KIF6: variants seen among roughly 807,000 people sequenced by gnomAD.
KIF6 encodes the protein kinesin-like protein KIF6.
Under a neutral mutation model 112.7 loss-of-function variants are expected in KIF6, and 106 were observed. The observed-to-expected ratio is 0.94, with a 90% CI of 0.80 to 1.11. The LOEUF is 1.11. Ranked by LOEUF, KIF6 falls within the 50% of genes least tolerant of loss-of-function variation. KIF6 has a pLI of 0.00. For missense variants in KIF6, 929 were observed against 964.0 expected, an observed-to-expected ratio of 0.96 and a Z score of 0.48; for synonymous variants, 339 against 339.9, an observed-to-expected ratio of 1.00 and a Z score of 0.03.
At chr6:39,714,847 C>T (rs1378043102) in intron 2 of KIF6, 81 bp from the exon 3 acceptor site, 20 of 943,530 alleles carry the variant, frequency 2.1e-5, no homozygotes. Flanking sequence ...TTTCTGAAAG[C>T]TCTATTAATT....
At chr6:39,511,226 A>G (rs896429310) in intron 13 of KIF6, among the ~76,000 whole-genome samples, 7 of 152,192 alleles carry the variant, frequency 4.6e-5, no homozygotes, top group African/African-American at 1.7e-4. Context: ...CAGAATCTAC[A>G]AAGATCTTAA....
At chr6:39,380,930 T>C (rs1447570980) in intron 16 of KIF6, among the ~76,000 whole-genome samples, 1 of 152,256 alleles carries the variant, frequency 6.6e-6, no homozygotes, top group East Asian at 1.9e-4. Context: ...ACTTATCTAA[T>C]TTAATTTTAA....
At chr6:39,406,112 T>C (rs565765836) in intron 15 of KIF6, among the ~76,000 whole-genome samples, 2 of 152,302 alleles carry the variant, frequency 1.3e-5, no homozygotes, top group East Asian at 3.9e-4. Flanking sequence ...AACCTCCGCC[T>C]GGGTTCAAGT....
intron 13 of KIF6, among the ~76,000 whole-genome samples, chr6:39,500,981 C>A (rs1276655712): frequency 6.6e-6 from 1 of 152,074 alleles, no homozygotes; most frequent in African/African-American, 2.4e-5. Flanking sequence ...GTTTGCGGAA[C>A]TCATGGAGAG....
intron 2 of KIF6, 109 bp from the exon 3 acceptor site, chr6:39,714,875 C>T (rs1789742567): frequency 1.4e-6 from 1 of 715,488 alleles, no homozygotes; most frequent in Admixed American, 2.4e-5. Flanking sequence ...ATTTACATCA[C>T]TGGGCTTACC....
Position 39,639,851 on chromosome 6 carries a change from T to A in KIF6, c.252-94A>T, listed in dbSNP as rs377046069. On this transcript the variant is annotated intron_variant, in intron 3 of 22. Coordinates refer to ENST00000287152, the MANE Select transcript of KIF6 (RefSeq NM_145027.6). Reference sequence around the variant, plus strand: ...TTCTAATAACAATCTTATTAAACACTATTAAAAAAACTTTATAGAAATATC... The same window carrying A: ...TTCTAATAACAATCTTATTAAACACAATTAAAAAAACTTTATAGAAATATC... 1,050 of 1,093,680 alleles carry A rather than the reference T, an allele frequency of 9.6e-4. 19 individuals are homozygous for A. In the South Asian group the frequency reaches 0.016, roughly 16 times the overall value. The allele number at this position is 1,093,680 out of a possible 1,614,324, so 67.7% of individuals were successfully genotyped here. A position where few individuals can be genotyped will look rare whatever the true frequency, so the allele number is the denominator to read the frequency against.
At chr6:39,520,137 T>C (rs1214824553) in intron 13 of KIF6, among the ~76,000 whole-genome samples, 1 of 152,170 alleles carries the variant, frequency 6.6e-6, no homozygotes. Context: ...GTTTCTTATA[T>C]ACTAGCTATG....
chr6:39,515,322 G>A (rs754865844), intron 13 of KIF6, among the ~76,000 whole-genome samples: 5 of 152,146 alleles, frequency 3.3e-5, no homozygotes, highest in Non-Finnish European at 7.3e-5. Context: ...GAACCATATC[G>A]GAAAGCGAGA....
At chr6:39,433,694 G>T (rs1332776738) in intron 13 of KIF6, among the ~76,000 whole-genome samples, 1 of 152,234 alleles carries the variant, frequency 6.6e-6, no homozygotes, top group African/African-American at 2.4e-5. Context: ...CCAAGGTGAG[G>T]TGGCTGAAGC....
intron 22 of KIF6, among the ~76,000 whole-genome samples, chr6:39,341,549 AT>A (rs1763326681): frequency 6.6e-6 from 1 of 152,166 alleles, no homozygotes; most frequent in Non-Finnish European, 1.5e-5. Context: ...CCAACCAGAC[AT>A]GATGACTTGC....
At chr6:39,586,709 G>A (rs989758435) in intron 7 of KIF6, among the ~76,000 whole-genome samples, 1 of 152,160 alleles carries the variant, frequency 6.6e-6, no homozygotes, top group African/African-American at 2.4e-5. Context: ...AAATTTGTAT[G>A]AAAACACAAG....
intron 7 of KIF6, among the ~76,000 whole-genome samples, chr6:39,595,471 A>C (rs1363041280): frequency 6.6e-6 from 1 of 152,208 alleles, no homozygotes; most frequent in African/African-American, 2.4e-5. Flanking sequence ...ACGTTTCAAT[A>C]AAATGGTATA....
At chr6:39,451,950 G>A (rs1581887113) in intron 13 of KIF6, among the ~76,000 whole-genome samples, 1 of 152,210 alleles carries the variant, frequency 6.6e-6, no homozygotes, top group Non-Finnish European at 1.5e-5. Flanking sequence ...CAGAGGCTCA[G>A]TGTGGCTTGT....
At chr6:39,352,715 T>A (rs1764353539) in intron 19 of KIF6, among the ~76,000 whole-genome samples, 1 of 152,000 alleles carries the variant, frequency 6.6e-6, no homozygotes, top group South Asian at 2.1e-4. Context: ...GCGATTCTCC[T>A]GCCTCAGCCT....
At chr6:39,350,715 C>A (rs1764176399) in intron 19 of KIF6, among the ~76,000 whole-genome samples, 1 of 152,162 alleles carries the variant, frequency 6.6e-6, no homozygotes, top group South Asian at 2.1e-4. Flanking sequence ...TTCTGTAGGC[C>A]CGTTACTACC....
At chr6:39,528,173 C>T (rs1167825028) in intron 13 of KIF6, among the ~76,000 whole-genome samples, 1 of 152,154 alleles carries the variant, frequency 6.6e-6, no homozygotes, top group East Asian at 1.9e-4. Flanking sequence ...TCTTTGAGTT[C>T]GATTGTTTTA....
At chr6:39,366,204 G>A (rs79797960) in intron 16 of KIF6, among the ~76,000 whole-genome samples, 237 of 152,226 alleles carry the variant, frequency 1.6e-3, no homozygotes, top group African/African-American at 5.5e-3. Flanking sequence ...CATTCCCTGC[G>A]CAACACCACT....
At chr6:39,467,958 G>T (rs1304829225) in intron 13 of KIF6, among the ~76,000 whole-genome samples, 1 of 152,038 alleles carries the variant, frequency 6.6e-6, no homozygotes, top group Non-Finnish European at 1.5e-5. Context: ...AATAAATAAA[G>T]AAGCAAAGGA....
At chr6:39,641,413 A>G (rs1389690652) in intron 3 of KIF6, among the ~76,000 whole-genome samples, 2 of 151,462 alleles carry the variant, frequency 1.3e-5, no homozygotes, top group Non-Finnish European at 2.9e-5. Context: ...TAAACACCAC[A>G]TGTCCTCACT....
Sources: allele counts gnomAD v4.1 joint callset (sites outside exome capture counted in the v4.1 genomes callset), GRCh38; gene constraint gnomAD v4.1.1; transcripts MANE v1.5; gene names NCBI Gene and HGNC (gene_info 2026-07-23, HGNC 2026-07-21).